Variants in NOS1AP observed in about 807,000 individuals in gnomAD.
NOS1AP encodes carboxyl-terminal PDZ ligand of neuronal nitric oxide synthase protein.
Under a neutral mutation model 56.2 loss-of-function variants are expected in NOS1AP, and 21 were observed. The ratio of observed to expected loss-of-function variants is 0.37; its 90% CI spans 0.26 to 0.54. NOS1AP has a LOEUF of 0.54. NOS1AP is among the 20% of genes least tolerant of loss of function. NOS1AP has a pLI of 0.84. For missense variants in NOS1AP, 522 were observed against 657.8 expected, an observed-to-expected ratio of 0.79 and a Z score of 2.26; for synonymous variants, 270 against 274.6, an observed-to-expected ratio of 0.98 and a Z score of 0.17.
intron 2 of NOS1AP, among the ~76,000 whole-genome samples, chr1:162,268,923 G>GA (rs1415570140): frequency 6.6e-6 from 1 of 152,050 alleles, no homozygotes. Flanking sequence ...AAACAGAACA[G>GA]AAAAAAAGGT....
At chr1:162,359,695 T>C (rs1657824955) in intron 8 of NOS1AP, among the ~76,000 whole-genome samples, 1 of 150,928 alleles carries the variant, frequency 6.6e-6, no homozygotes, top group Admixed American at 6.6e-5. Flanking sequence ...ATAGACCAAG[T>C]ATAGCAAGCT....
chr1:162,141,668 C>T (rs1558118938), intron 1 of NOS1AP, among the ~76,000 whole-genome samples: 2 of 152,190 alleles, frequency 1.3e-5, no homozygotes, highest in African/African-American at 4.8e-5. Flanking sequence ...TTTTCTTGCT[C>T]TCTTTCTTTC....
rs182316095 is a variant in NOS1AP at position 162,136,412 on chromosome 1, A to G, written c.106-17993A>G. ...TTTGAATACCTACCATGTATTCAGT[A>G]TTGGGCTGGATACAAAAGAAATGCA... is the stretch of plus-strand genomic sequence containing the variant. On this transcript the variant is annotated intron_variant, in intron 1 of 9. Coordinates refer to ENST00000361897, the MANE Select transcript of NOS1AP (RefSeq NM_014697.3). 3.1e-3 allele frequency among the ~76,000 whole-genome samples: 467 copies of G among 152,282 alleles called. 4 individuals are homozygous for G. Among genetic ancestry groups the G allele is most frequent in the Non-Finnish European group, 4.2e-3 (289 of 68,020 alleles).
At chr1:162,172,698 T>C (rs1317233681) in intron 2 of NOS1AP, among the ~76,000 whole-genome samples, 1 of 151,918 alleles carries the variant, frequency 6.6e-6, no homozygotes, top group Non-Finnish European at 1.5e-5. Context: ...TGAGGAAAGG[T>C]TTTTTTTGTT....
rs1455059249 is a variant in NOS1AP at position 162,367,917 on chromosome 1, G to C, written c.*450G>C. On this transcript the variant is annotated 3_prime_UTR_variant, in exon 10 of 10. Coordinates refer to ENST00000361897, the MANE Select transcript of NOS1AP (RefSeq NM_014697.3). The surrounding 1 kb of genome is among the most constrained non-coding windows in gnomAD (Gnocchi z 6.5). ...CAGGTACTTTGTTTCTGGATATCAC[G>C]ATGCTGCGAGTTGCCTAACCCTCCC... The C allele has an allele frequency of 6.0e-6, 1 of 167,586 alleles. No homozygotes were observed. Among genetic ancestry groups the C allele is most frequent in the Non-Finnish European group, 1.3e-5 (1 of 76,912 alleles). The allele number at this position is 167,586 out of a possible 1,614,324, so 10.4% of individuals were successfully genotyped here.
intron 3 of NOS1AP, among the ~76,000 whole-genome samples, chr1:162,297,820 T>C (rs1205222435): frequency 6.6e-6 from 1 of 152,216 alleles, no homozygotes; most frequent in Admixed American, 6.5e-5. Flanking sequence ...CTAGACATTT[T>C]ATATAAAATC....
intron 4 of NOS1AP, among the ~76,000 whole-genome samples, chr1:162,326,833 A>T (rs1322487299): frequency 6.6e-6 from 1 of 152,240 alleles, no homozygotes; most frequent in Non-Finnish European, 1.5e-5. Context: ...GAGGCCAGGG[A>T]TGATGACAGA....
chr1:162,309,563 A>T (rs1475971863), intron 4 of NOS1AP, among the ~76,000 whole-genome samples: 3 of 152,210 alleles, frequency 2.0e-5, no homozygotes, highest in Non-Finnish European at 2.9e-5. Context: ...TTTTGTAAAG[A>T]CTTGGAAATA....
chr1:162,318,713 A>G (rs1656311115), intron 4 of NOS1AP, among the ~76,000 whole-genome samples: 1 of 151,816 alleles, frequency 6.6e-6, no homozygotes, highest in Admixed American at 6.6e-5. Flanking sequence ...TCTAAATCCC[A>G]GTCTATGCTC....
rs1222468441 is a variant in NOS1AP, at chr1:162,357,037, C to T, written c.840C>T (p.Gly280=). The T allele has an allele frequency of 6.2e-7, 1 of 1,613,812 alleles. No individual in the cohort carries two copies. The highest frequency in any genetic ancestry group is 2.2e-5 in the East Asian group (1 of 44,884). Residue 280 remains glycine, a synonymous_variant, in exon 8 of 10, where the codon GGC becomes GGT. Transcript: ENST00000361897. ...LLPSSSSKPP[G]LGTETPLSTH... ...CTTCTTCTTCCTCGAAGCCTCCAGGCCTGGGCACAGAGACACCGCTGTCCA... is the reference window on the plus strand; with the variant it reads ...CTTCTTCTTCCTCGAAGCCTCCAGGTCTGGGCACAGAGACACCGCTGTCCA...
At chr1:162,309,779 A>G (rs1250967370) in intron 4 of NOS1AP, among the ~76,000 whole-genome samples, 3 of 152,236 alleles carry the variant, frequency 2.0e-5, no homozygotes, top group Admixed American at 2.0e-4. Flanking sequence ...ATGTATTTAA[A>G]AAGAGGAGCT....
chr1:162,141,862 C>T (rs1423323492), intron 1 of NOS1AP, among the ~76,000 whole-genome samples: 2 of 152,166 alleles, frequency 1.3e-5, no homozygotes, highest in East Asian at 1.9e-4. Flanking sequence ...GGTGGATCAC[C>T]ATAGGAAGTT....
chr1:162,109,547 GA>G (rs778411043), intron 1 of NOS1AP, among the ~76,000 whole-genome samples: 4 of 152,238 alleles, frequency 2.6e-5, no homozygotes, highest in Admixed American at 6.5e-5. Flanking sequence ...GGTGGTGACT[GA>G]AACTGAGTAA....
At chr1:162,311,397 G>A (rs1195215833) in intron 4 of NOS1AP, among the ~76,000 whole-genome samples, 2 of 152,094 alleles carry the variant, frequency 1.3e-5, no homozygotes, top group Admixed American at 1.3e-4. Flanking sequence ...CTTATAGGGT[G>A]CAAAAAGTCC....
intron 1 of NOS1AP, among the ~76,000 whole-genome samples, chr1:162,120,798 A>G (rs1353536285): frequency 1.3e-5 from 2 of 152,230 alleles, no homozygotes; most frequent in Non-Finnish European, 2.9e-5. Flanking sequence ...AAACCATATC[A>G]GAATTCTTTT....
chr1:162,343,563 G>A (rs190015473), intron 5 of NOS1AP, among the ~76,000 whole-genome samples: 193 of 152,346 alleles, frequency 1.3e-3, no homozygotes, highest in African/African-American at 4.6e-3. Context: ...GACTACTTCT[G>A]TTACACATGG....
chr1:162,315,562 C>G lies in NOS1AP; in HGVS notation c.344+14856C>G, dbSNP rs1207678906. Among the ~76,000 whole-genome samples, 2 of 152,118 alleles carry G rather than the reference C, an allele frequency of 1.3e-5. 1 individual carries two copies. Among genetic ancestry groups the G allele is most frequent in the East Asian group, 3.9e-4 (2 of 5,186 alleles). The stretch of plus-strand genomic sequence containing the variant: ...GAGAGGTGAGGATGACTGCGAGGTC[C>G]AGAGGGTTAAGCACAGAATTTGGGA... On this transcript the variant is annotated intron_variant, in intron 4 of 9. Transcript: ENST00000361897.
At chr1:162,328,832 T>C (rs999393648) in intron 4 of NOS1AP, among the ~76,000 whole-genome samples, 3 of 152,102 alleles carry the variant, frequency 2.0e-5, no homozygotes, top group African/African-American at 7.2e-5. Flanking sequence ...TGTTAGAGAG[T>C]GAATTGCCTA....
intron 2 of NOS1AP, among the ~76,000 whole-genome samples, chr1:162,175,915 A>G (rs1232585413): frequency 6.6e-6 from 1 of 152,156 alleles, no homozygotes; most frequent in Non-Finnish European, 1.5e-5. Context: ...CTTCCAGTGT[A>G]CGCGTACAGT....
Sources: gnomAD v4.1 joint callset for allele counts (sites outside exome capture counted in the v4.1 genomes callset) on GRCh38, gnomAD v4.1.1 for gene constraint, Gnocchi (gnomAD v3.1) non-coding constraint, MANE v1.5 for transcripts, NCBI Gene and HGNC (gene_info 2026-07-23, HGNC 2026-07-21) for gene names.